The following CAMTA1 variants were observed in gnomAD, a reference collection of about 807,000 sequenced individuals.
The protein encoded by CAMTA1 is calmodulin binding transcription activator 1.
CAMTA1 carries 27 observed loss-of-function variants against 170.9 expected under a neutral mutation model. The observed-to-expected ratio is 0.16, with a 90% CI of 0.12 to 0.22. The LOEUF (loss-of-function observed/expected upper bound fraction) is 0.22, where lower values mean the gene tolerates loss of function less well. Ranked by LOEUF, CAMTA1 falls within the 10% of genes least tolerant of loss-of-function variation. The pLI is 1.00. For missense variants in CAMTA1, 1,619 were observed against 2,217.2 expected, an observed-to-expected ratio of 0.73 and a Z score of 5.42; for synonymous variants, 833 against 891.5, an observed-to-expected ratio of 0.93 and a Z score of 1.17.
intron 5 of CAMTA1, among the ~76,000 whole-genome samples, chr1:7,267,208 T>C (rs1005567165): frequency 6.6e-6 from 1 of 152,180 alleles, no homozygotes; most frequent in African/African-American, 2.4e-5. Context: ...TTTTCCCTTC[T>C]TGGAGTAGAG....
intron 5 of CAMTA1, among the ~76,000 whole-genome samples, chr1:7,250,370 C>A (rs1332434108): frequency 2.0e-5 from 3 of 151,682 alleles, no homozygotes; most frequent in Non-Finnish European, 4.4e-5. Flanking sequence ...TGCTGGTTAA[C>A]TAGCATCCAC....
At chr1:7,402,837 T>C (rs2090005096) in intron 5 of CAMTA1, among the ~76,000 whole-genome samples, 1 of 152,236 alleles carries the variant, frequency 6.6e-6, no homozygotes, top group Admixed American at 6.5e-5. Context: ...TTGGTCTGTC[T>C]GTCTCTTTCT....
At position 7,737,318 on chromosome 1, in the gene CAMTA1, G is replaced by T. The variant is rs1174414851; in HGVS notation, c.3406G>T (p.Ala1136Ser). ...AVVLYKWDRR[A>S]ISIPDSLGRL... ...CGTGCTGTACAAGTGGGACCGTCGG[G>T]CCATCTCGATTCCCGACTCTCTAGG... Residue 1136 changes from alanine to serine, a missense_variant, in exon 15 of 23, where the codon GCC (alanine) becomes TCC (serine). This residue lies in a region of CAMTA1 where 60 missense variants were observed against 128.5 expected (regional missense o/e 0.47). Coordinates refer to ENST00000303635, the MANE Select transcript of CAMTA1 (RefSeq NM_015215.4). 1.7e-5 allele frequency: 27 copies of T among 1,614,184 alleles called. No homozygotes were observed. Among genetic ancestry groups the T allele is most frequent in the Non-Finnish European group, 1.9e-5 (23 of 1,180,008 alleles).
At chr1:7,729,028 G>A (rs954333505) in intron 11 of CAMTA1, among the ~76,000 whole-genome samples, 2 of 152,140 alleles carry the variant, frequency 1.3e-5, no homozygotes, top group African/African-American at 4.8e-5. Context: ...TTGGAAGGAA[G>A]ACGTTATTTT....
chr1:6,913,237 C>T (rs1045938935), intron 3 of CAMTA1, among the ~76,000 whole-genome samples: 5 of 152,338 alleles, frequency 3.3e-5, no homozygotes, highest in Non-Finnish European at 7.3e-5. Flanking sequence ...ACTGCTTGGC[C>T]CCAAGTCCCC....
chr1:7,001,370 C>T (rs7525119), intron 3 of CAMTA1, among the ~76,000 whole-genome samples: 47,506 of 152,068 alleles, frequency 0.31, 7,482 homozygotes, highest in African/African-American at 0.34. Context: ...TTAGCTCCAC[C>T]CTGCACTTGA....
intron 4 of CAMTA1, among the ~76,000 whole-genome samples, chr1:7,246,930 A>G (rs1473411317): frequency 6.6e-6 from 1 of 151,980 alleles, no homozygotes; most frequent in African/African-American, 2.4e-5. Context: ...GGCCTCCCAA[A>G]GTACTGGGTC....
intron 6 of CAMTA1, among the ~76,000 whole-genome samples, chr1:7,531,947 C>G (rs1557872726): frequency 6.6e-6 from 1 of 152,054 alleles, no homozygotes; most frequent in Non-Finnish European, 1.5e-5. Context: ...TAATTTTTTT[C>G]TAACGCACCT....
chr1:7,478,373 C>A (rs1280218920), intron 6 of CAMTA1, among the ~76,000 whole-genome samples: 2 of 152,154 alleles, frequency 1.3e-5, no homozygotes, highest in Non-Finnish European at 2.9e-5. Flanking sequence ...GCACTTGTCT[C>A]CTGTGTGCCA....
At chr1:7,143,250 C>A (rs1037979081) in intron 4 of CAMTA1, among the ~76,000 whole-genome samples, 1 of 152,166 alleles carries the variant, frequency 6.6e-6, no homozygotes, top group Non-Finnish European at 1.5e-5. Flanking sequence ...CCCTCAGAAT[C>A]CTGGGCTAAC....
chr1:7,494,912 A>G (rs1351115082), intron 6 of CAMTA1, among the ~76,000 whole-genome samples: 1 of 152,148 alleles, frequency 6.6e-6, no homozygotes, highest in Non-Finnish European at 1.5e-5. Flanking sequence ...CAGTGTCCTG[A>G]GGAAGAGGAC....
chr1:7,573,669 C>T (rs892475277), intron 6 of CAMTA1, among the ~76,000 whole-genome samples: 4 of 152,244 alleles, frequency 2.6e-5, no homozygotes, highest in African/African-American at 9.6e-5. Context: ...CGGCCTGTGT[C>T]TTTGCAGGGC....
chr1:7,398,193 CTATATATATATATATATATATATATA>C lies in CAMTA1; in HGVS notation c.439-69617_439-69592del, dbSNP rs3034829. ...TCTCTCTCTCTCTCTCTCTCTCTCTCTATATATATATATATATATATATATATATATATATATATATATATTTGCTT... is the reference window on the plus strand; with the variant it reads ...TCTCTCTCTCTCTCTCTCTCTCTCTCTATATATATATATATATATTTGCTT... On this transcript the variant is annotated intron_variant, in intron 5 of 22. Coordinates refer to ENST00000303635, the MANE Select transcript of CAMTA1 (RefSeq NM_015215.4). Among the ~76,000 whole-genome samples, 60 of 16,904 alleles carry C rather than the reference CTATATATATATATATATATATATATA, an allele frequency of 3.5e-3. 2 individuals are homozygous for C. Among genetic ancestry groups the C allele is most frequent in the East Asian group, 0.035 (17 of 482 alleles). 11.1% of individuals were successfully genotyped at this position (16,904 alleles called of 152,430 possible).
At chr1:7,503,147 C>G (rs1389264217) in intron 6 of CAMTA1, among the ~76,000 whole-genome samples, 2 of 152,160 alleles carry the variant, frequency 1.3e-5, no homozygotes, top group Non-Finnish European at 2.9e-5. Flanking sequence ...GAGGTAAATC[C>G]AGGCACAAGC....
chr1:7,302,827 A>G (rs189337987), intron 5 of CAMTA1, among the ~76,000 whole-genome samples: 127 of 152,230 alleles, frequency 8.3e-4, no homozygotes, highest in African/African-American at 2.9e-3. Context: ...GTTCACTAGC[A>G]CCCACCATGT....
chr1:7,010,146 A>G lies in CAMTA1; in HGVS notation c.235-81158A>G. On this transcript the variant is annotated intron_variant, in intron 3 of 22. Transcript: ENST00000303635. This position sits in a 1 kb window ranked among gnomAD's most constrained non-coding sequence, Gnocchi z 4.4. The stretch of plus-strand genomic sequence containing the variant: ...CAGACGTCCTTGGGTCTTACCAGGA[A>G]CCATGGCCTGCAGGACACTGCTGCG... Among the ~76,000 whole-genome samples, 1 of 152,174 alleles carries G rather than the reference A, an allele frequency of 6.6e-6. No individual in the cohort carries two copies. Among genetic ancestry groups the G allele is most frequent in the East Asian group, 1.9e-4 (1 of 5,188 alleles).
rs1236369892 is a variant in CAMTA1, at chr1:7,768,942, G to T, written c.*2451G>T. 1.3e-5 allele frequency: 2 copies of T among 152,034 alleles called. No individual in the cohort carries two copies. Among genetic ancestry groups the T allele is most frequent in the African/African-American group, 4.8e-5 (2 of 41,302 alleles). 9.4% of individuals were successfully genotyped at this position (152,034 alleles called of 1,614,324 possible). A position where few individuals can be genotyped will look rare whatever the true frequency, so the allele number is the denominator to read the frequency against. ...AGATATCTTTATTCCATTTATTATG[G>T]TACAAATAACTGATGTTTTAACCAG... is the stretch of plus-strand genomic sequence containing the variant. On this transcript the variant is annotated 3_prime_UTR_variant, in exon 23 of 23. Coordinates refer to ENST00000303635, the MANE Select transcript of CAMTA1 (RefSeq NM_015215.4).
intron 3 of CAMTA1, among the ~76,000 whole-genome samples, chr1:6,836,796 A>T (rs1020255801): frequency 1.3e-5 from 2 of 152,210 alleles, no homozygotes; most frequent in African/African-American, 4.8e-5. Flanking sequence ...CCTAGGCTAG[A>T]AAAGGCGGCC....
chr1:7,232,682 G>A (rs886489002), intron 4 of CAMTA1, among the ~76,000 whole-genome samples: 3 of 152,082 alleles, frequency 2.0e-5, no homozygotes, highest in Admixed American at 6.6e-5. Context: ...GTGTTTGCAG[G>A]GGCCGGCTGT....
Sources: gnomAD v4.1 joint callset for allele counts (sites outside exome capture counted in the v4.1 genomes callset) on GRCh38, gnomAD v4.1.1 for gene constraint, gnomAD v4.1.1 regional missense constraint, Gnocchi (gnomAD v3.1) non-coding constraint, MANE v1.5 for transcripts, NCBI Gene and HGNC (gene_info 2026-07-23, HGNC 2026-07-21) for gene names.